SLC22A25: variants seen among roughly 807,000 people sequenced by gnomAD.
SLC22A25 encodes solute carrier family 22 member 25, also known as MGI:2442751, MGI:2385316, MGI:3042283, MGI:3645714, MGI:3605624, MGI:2442750.
SLC22A25 carries 44 observed loss-of-function variants against 45.9 expected under a neutral mutation model. The ratio of observed to expected loss-of-function variants is 0.96; its 90% CI spans 0.75 to 1.23. SLC22A25 has a LOEUF of 1.23. SLC22A25 is among the 50% of genes most tolerant of loss of function. The probability of loss-of-function intolerance (pLI) is 0.00; values close to 1 mark genes in which losing one functional copy is unlikely to be tolerated. For missense variants in SLC22A25, 800 were observed against 666.4 expected (o/e 1.20, Z -2.21); for synonymous variants, 283 against 238.6 (o/e 1.19, Z -1.72).
Position 63,162,341 on chromosome 11 carries a change from C to A in SLC22A25, c.*1483G>T, listed in dbSNP as rs554207322. Among the ~76,000 whole-genome samples the A allele has an allele frequency of 6.9e-4, 105 of 152,242 alleles. No individual in the cohort carries two copies. Among genetic ancestry groups the A allele is most frequent in the South Asian group, 1.7e-3 (8 of 4,826 alleles). ...GGGTATTACTCAAGAAATCTTTGGCCAGTCTAATGTACTGGAAAATTTCTC... is the reference window on the plus strand; with the variant it reads ...GGGTATTACTCAAGAAATCTTTGGCAAGTCTAATGTACTGGAAAATTTCTC... On this transcript the variant is annotated 3_prime_UTR_variant, in exon 12 of 12. Transcript: ENST00000306494.
rs540817748 is a variant in SLC22A25 at position 63,212,250 on chromosome 11, A to T, written c.830+5064T>A. On this transcript the variant is annotated intron_variant, in intron 7 of 11. Transcript: ENST00000306494. Reference sequence around the variant, plus strand: ...GTAAACTAGTTCAACCATGTGGAAGACAGTGTGGCGATTCCTCAGGGATCT... The same window carrying T: ...GTAAACTAGTTCAACCATGTGGAAGTCAGTGTGGCGATTCCTCAGGGATCT... Among the ~76,000 whole-genome samples the T allele has an allele frequency of 6.6e-3, 993 of 151,338 alleles. 18 individuals carry two copies. Among genetic ancestry groups the T allele is most frequent in the African/African-American group, 0.022 (905 of 41,172 alleles).
At chr11:63,231,713 T>G (rs2134846962) in intron 3 of SLC22A25, among the ~76,000 whole-genome samples, 1 of 152,346 alleles carries the variant, frequency 6.6e-6, no homozygotes. Flanking sequence ...TGCCCATGCC[T>G]ATGTCCTGAA....
chr11:63,226,928 C>T (rs1218859016), intron 5 of SLC22A25, among the ~76,000 whole-genome samples: 1 of 152,194 alleles, frequency 6.6e-6, no homozygotes, highest in Non-Finnish European at 1.5e-5. Flanking sequence ...TCCAATACCG[C>T]CACAGGCCCA....
At chr11:63,169,386 G>A (rs2087797183) in intron 9 of SLC22A25, among the ~76,000 whole-genome samples, 1 of 152,136 alleles carries the variant, frequency 6.6e-6, no homozygotes, top group Non-Finnish European at 1.5e-5. Context: ...ATTGCATAGA[G>A]TCAAGACCCA....
intron 5 of SLC22A25, among the ~76,000 whole-genome samples, chr11:63,222,016 G>A (rs79664047): frequency 0.04 from 6,014 of 152,104 alleles, 407 homozygotes; most frequent in African/African-American, 0.14. Flanking sequence ...AGTACATCTT[G>A]TTTTGGTTAC....
intron 7 of SLC22A25, 98 bp from the exon 8 acceptor site, chr11:63,183,915 C>G: frequency 6.6e-7 from 1 of 1,521,634 alleles, no homozygotes; most frequent in Non-Finnish European, 9.0e-7. Flanking sequence ...AAGCTAATAC[C>G]CACCTCTTGT....
rs200196253 is a variant in SLC22A25, at chr11:63,236,420, A to G, written c.-445+1461T>C. On this transcript the variant is annotated intron_variant, in intron 3 of 11. Coordinates refer to ENST00000306494, the MANE Select transcript of SLC22A25 (RefSeq NM_199352.6). ...CTGTGCTAGCAATGAGTGAGGCTCTATGGGCATAGGAACCTCCAAGCCATG... is the reference window on the plus strand; with the variant it reads ...CTGTGCTAGCAATGAGTGAGGCTCTGTGGGCATAGGAACCTCCAAGCCATG... Among the ~76,000 whole-genome samples, 5 of 152,202 alleles carry G rather than the reference A, an allele frequency of 3.3e-5. No individual in the cohort carries two copies. In the East Asian group the frequency reaches 7.7e-4, roughly 24 times the overall value.
At chr11:63,220,337 A>C (rs1229257890) in intron 5 of SLC22A25, among the ~76,000 whole-genome samples, 4 of 152,220 alleles carry the variant, frequency 2.6e-5, no homozygotes, top group Admixed American at 2.6e-4. Context: ...GGGACTGCAC[A>C]TGGTACCCCT....
chr11:63,206,108 A>G (rs2089396070), intron 7 of SLC22A25, among the ~76,000 whole-genome samples: 1 of 152,226 alleles, frequency 6.6e-6, no homozygotes, highest in Admixed American at 6.5e-5. Context: ...AAAACTCTCA[A>G]TAAACTAGTT....
chr11:63,222,266 A>G (rs753464625), intron 5 of SLC22A25, among the ~76,000 whole-genome samples: 1 of 152,112 alleles, frequency 6.6e-6, no homozygotes, highest in Non-Finnish European at 1.5e-5. Context: ...ACGGACATGA[A>G]TATCTTTCCA....
At chr11:63,230,504 T>C (rs1021861233) in intron 3 of SLC22A25, among the ~76,000 whole-genome samples, 4 of 152,216 alleles carry the variant, frequency 2.6e-5, no homozygotes, top group Admixed American at 2.6e-4. Flanking sequence ...GTAAATATTA[T>C]GTGAGACGCA....
rs1433208565 is a variant in SLC22A25 at position 63,219,996 on chromosome 11, C to T, written c.507-2261G>A. ...AGTCCCTCGTCACAATCAGTGGAGACATGGTTGGGCGATGATAATGGTTTC... is the reference window on the plus strand; with the variant it reads ...AGTCCCTCGTCACAATCAGTGGAGATATGGTTGGGCGATGATAATGGTTTC... On this transcript the variant is annotated intron_variant, in intron 5 of 11. Transcript: ENST00000306494. 18 of 1,289,140 alleles carry T rather than the reference C, an allele frequency of 1.4e-5. No homozygotes were observed. The African/African-American group carries it at 2.3e-4, about 16-fold the overall frequency. 79.9% of individuals were successfully genotyped at this position (1,289,140 alleles called of 1,614,324 possible).
At position 63,229,784 on chromosome 11, in the gene SLC22A25, G is replaced by T; in HGVS notation, c.-132C>A. On this transcript the variant is annotated 5_prime_UTR_variant, in exon 4 of 12. Coordinates refer to ENST00000306494, the MANE Select transcript of SLC22A25 (RefSeq NM_199352.6). ...TCCTGACCCCACTCTCTTCTTAATGGGCCCTCTCTCCCATCTGCAGCAGGG... is the reference window on the plus strand; with the variant it reads ...TCCTGACCCCACTCTCTTCTTAATGTGCCCTCTCTCCCATCTGCAGCAGGG... 1 of 918,606 alleles carries T rather than the reference G, an allele frequency of 1.1e-6. No individual in the cohort carries two copies. The highest frequency in any genetic ancestry group is 2.9e-5 in the Admixed American group (1 of 34,180). The allele number at this position is 918,606 out of a possible 1,614,324, so 56.9% of individuals were successfully genotyped here. A position where few individuals can be genotyped will look rare whatever the true frequency, so the allele number is the denominator to read the frequency against.
chr11:63,206,351 T>C (rs2089403024), intron 7 of SLC22A25, among the ~76,000 whole-genome samples: 1 of 152,242 alleles, frequency 6.6e-6, no homozygotes, highest in Admixed American at 6.5e-5. Context: ...AAAATCTCTC[T>C]GTTTCCAGAC....
At chr11:63,181,516 T>C (rs1269089951) in intron 8 of SLC22A25, among the ~76,000 whole-genome samples, 1 of 151,482 alleles carries the variant, frequency 6.6e-6, no homozygotes, top group Non-Finnish European at 1.5e-5. Flanking sequence ...CTTGCGATAG[T>C]TTGATGAGAA....
At chr11:63,232,102 A>G (rs990212761) in intron 3 of SLC22A25, among the ~76,000 whole-genome samples, 1 of 152,056 alleles carries the variant, frequency 6.6e-6, no homozygotes, top group Non-Finnish European at 1.5e-5. Flanking sequence ...CTTAGGATTG[A>G]CTTGGCAATG....
chr11:63,163,642 T>G lies in SLC22A25; in HGVS notation c.*182A>C. On this transcript the variant is annotated 3_prime_UTR_variant, in exon 12 of 12. Coordinates refer to ENST00000306494, the MANE Select transcript of SLC22A25 (RefSeq NM_199352.6). ...GTCTTTTCACCACAAATTAACCTCC[T>G]GGACAGGCTGGGCAGAGATGGTCTG... The G allele has an allele frequency of 1.1e-6, 1 of 887,726 alleles. No individual in the cohort carries two copies. Among genetic ancestry groups the G allele is most frequent in the Non-Finnish European group, 1.6e-6 (1 of 618,656 alleles). The allele number at this position is 887,726 out of a possible 1,614,324, so 55.0% of individuals were successfully genotyped here.
At chr11:63,192,106 A>G (rs2088836682) in intron 7 of SLC22A25, among the ~76,000 whole-genome samples, 1 of 152,224 alleles carries the variant, frequency 6.6e-6, no homozygotes, top group South Asian at 2.1e-4. Context: ...GTCACCTACA[A>G]AAGGAAGCCC....
chr11:63,218,673 A>G (rs1320667768), intron 5 of SLC22A25, among the ~76,000 whole-genome samples: 1 of 152,192 alleles, frequency 6.6e-6, no homozygotes, highest in Non-Finnish European at 1.5e-5. Context: ...CCATAGGTAA[A>G]TGGATGTGAA....
Sources: allele counts gnomAD v4.1 joint callset (sites outside exome capture counted in the v4.1 genomes callset), GRCh38; gene constraint gnomAD v4.1.1; transcripts MANE v1.5; gene names NCBI Gene and HGNC (gene_info 2026-07-23, HGNC 2026-07-21).